Variants in COL10A1 observed in about 807,000 individuals in gnomAD.
COL10A1 encodes collagen alpha-1(X) chain.
A neutral mutation model predicts 18.2 loss-of-function variants in COL10A1; 10 were observed. That is an observed-to-expected ratio of 0.55 (90% CI 0.34 to 0.93). The LOEUF (loss-of-function observed/expected upper bound fraction) is 0.93, where lower values mean the gene tolerates loss of function less well. COL10A1 is among the 40% of genes least tolerant of loss of function. The pLI is 0.02. For missense variants in COL10A1, 897 were observed against 853.5 expected (o/e 1.05, Z -0.64); for synonymous variants, 330 against 316.6 (o/e 1.04, Z -0.45).
At chr6:116,157,547 G>A (rs1780226905) in intron 1 of COL10A1, among the ~76,000 whole-genome samples, 1 of 152,172 alleles carries the variant, frequency 6.6e-6, no homozygotes, top group African/African-American at 2.4e-5. Flanking sequence ...AGAGATTTGA[G>A]TCCAATGGGG....
chr6:116,134,904 A>G (rs1388385124), intron 1 of COL10A1, among the ~76,000 whole-genome samples: 1 of 152,192 alleles, frequency 6.6e-6, no homozygotes, highest in Non-Finnish European at 1.5e-5. Context: ...ATGGAAAGAA[A>G]AAGGAGAAGA....
chr6:116,137,728 A>G (rs1779647350), intron 1 of COL10A1, among the ~76,000 whole-genome samples: 1 of 152,198 alleles, frequency 6.6e-6, no homozygotes, highest in Non-Finnish European at 1.5e-5. Context: ...CATGTGTGCA[A>G]TACGTACCTG....
intron 1 of COL10A1, among the ~76,000 whole-genome samples, chr6:116,158,069 T>C (rs959118328): frequency 5.3e-5 from 8 of 152,228 alleles, no homozygotes; most frequent in Admixed American, 4.6e-4. Context: ...GCTTCAGCTC[T>C]CAAAAAGTCA....
the COL10A1 span, among the ~76,000 whole-genome samples, chr6:116,178,523 C>G: frequency 6.6e-6 from 1 of 152,180 alleles, no homozygotes; most frequent in Non-Finnish European, 1.5e-5. Context: ...TAACCGACTT[C>G]CAGTCATTTG....
At chr6:116,204,210 A>G in the COL10A1 span, among the ~76,000 whole-genome samples, 1 of 151,918 alleles carries the variant, frequency 6.6e-6, no homozygotes. Flanking sequence ...GTGCTCTCAG[A>G]GTGTGTTTGT....
chr6:116,164,699 T>G, the COL10A1 span, among the ~76,000 whole-genome samples: 1 of 152,230 alleles, frequency 6.6e-6, no homozygotes. Flanking sequence ...GCTTTTGTGG[T>G]AGCAAGTATC....
the COL10A1 span, among the ~76,000 whole-genome samples, chr6:116,202,368 G>A: frequency 3.3e-5 from 5 of 151,952 alleles, no homozygotes; most frequent in Non-Finnish European, 5.9e-5. Context: ...AAAGCTGTAA[G>A]TTCTTAAACT....
In COL10A1 at chr6:116,120,870, C is replaced by G. The variant is rs138141648; in HGVS notation, c.1246G>C (p.Gly416Arg). 1 of 1,613,998 alleles carries G rather than the reference C, an allele frequency of 6.2e-7. No individual in the cohort carries two copies. The highest frequency in any genetic ancestry group is 8.5e-7 in the Non-Finnish European group (1 of 1,179,928). Reference sequence around the variant, plus strand: ...ACAGGGCCTGGGAGACCAGGAGGTCCTCCAACTCCAGGATCACCTTTTGGA... The same window carrying G: ...ACAGGGCCTGGGAGACCAGGAGGTCGTCCAACTCCAGGATCACCTTTTGGA... ...PGPKGDPGVG[G>R]PPGLPGPVGP... Residue 416 changes from glycine to arginine, a missense_variant, in exon 3 of 3, where the codon GGA (glycine) becomes CGA (arginine). Coordinates refer to ENST00000651968, the MANE Select transcript of COL10A1 (RefSeq NM_000493.4).
chr6:116,149,860 T>C (rs966225634), intron 1 of COL10A1, among the ~76,000 whole-genome samples: 1 of 152,236 alleles, frequency 6.6e-6, no homozygotes, highest in Non-Finnish European at 1.5e-5. Flanking sequence ...ATAAGGAATT[T>C]GATTTGCACA....
the COL10A1 span, among the ~76,000 whole-genome samples, chr6:116,172,317 C>CTTTTTTTTTT: frequency 1.9e-5 from 2 of 108,026 alleles, no homozygotes. Context: ...CCCTTAGTAA[C>CTTTTTTTTTT]TTTTTTTTTT....
At chr6:116,151,218 A>G (rs943342565) in intron 1 of COL10A1, among the ~76,000 whole-genome samples, 3 of 152,178 alleles carry the variant, frequency 2.0e-5, no homozygotes, top group Admixed American at 6.5e-5. Flanking sequence ...ATAAAATCCC[A>G]TCTTCCAAAC....
At chr6:116,152,915 A>G (rs1451236764) in intron 1 of COL10A1, among the ~76,000 whole-genome samples, 1 of 152,068 alleles carries the variant, frequency 6.6e-6, no homozygotes, top group Non-Finnish European at 1.5e-5. Flanking sequence ...GGAAAAGTAA[A>G]TTTAAATAAC....
At chr6:116,176,289 G>A in the COL10A1 span, among the ~76,000 whole-genome samples, 38 of 152,232 alleles carry the variant, frequency 2.5e-4, no homozygotes, top group Admixed American at 2.3e-3. Flanking sequence ...CCACAGAGAG[G>A]GTATAGCACC....
rs768947904 is a variant in COL10A1, at chr6:116,120,111, G to A, written c.2005C>T (p.His669Tyr). 7 of 1,613,978 alleles carry A rather than the reference G, an allele frequency of 4.3e-6. No homozygotes were observed. In the South Asian group the frequency reaches 7.7e-5, roughly 18 times the overall value. Reference protein sequence around the residue: ...SNGLYSSEYVHSSFSGFLVAP... With the variant: ...SNGLYSSEYVYSSFSGFLVAP... ...ACTAGGAATCCTGAGAAAGAGGAGTGGACATACTCAGAGGAGTATAGGCCA... is the reference window on the plus strand; with the variant it reads ...ACTAGGAATCCTGAGAAAGAGGAGTAGACATACTCAGAGGAGTATAGGCCA... Residue 669 changes from histidine (H) to tyrosine (Y), a missense_variant, in exon 3 of 3, where the codon CAC becomes TAC. By Grantham distance (83) the His-to-Tyr change is moderately conservative (BLOSUM62 2). Transcript: ENST00000651968.
chr6:116,127,849 G>A (rs933187921), upstream of COL10A1, among the ~76,000 whole-genome samples: 4 of 152,140 alleles, frequency 2.6e-5, no homozygotes, highest in Admixed American at 2.0e-4. Flanking sequence ...AATACATAGT[G>A]CTATGCCCCT....
the COL10A1 span, among the ~76,000 whole-genome samples, chr6:116,177,406 C>T: frequency 6.6e-6 from 1 of 152,154 alleles, no homozygotes; most frequent in Non-Finnish European, 1.5e-5. Context: ...AAACTCACCA[C>T]TCTAAATATT....
chr6:116,128,580 G>A (rs996428999), upstream of COL10A1, among the ~76,000 whole-genome samples: 2 of 152,164 alleles, frequency 1.3e-5, no homozygotes, highest in East Asian at 1.9e-4. Context: ...TCTGTGGATC[G>A]TTAATTAATT....
the COL10A1 span, among the ~76,000 whole-genome samples, chr6:116,212,591 C>G: frequency 3.9e-5 from 6 of 152,134 alleles, no homozygotes; most frequent in Non-Finnish European, 8.8e-5. Context: ...AAACAGTGCA[C>G]TCTTGTGATA....
chr6:116,172,946 A>G, the COL10A1 span, among the ~76,000 whole-genome samples: 10 of 152,164 alleles, frequency 6.6e-5, no homozygotes, highest in African/African-American at 2.4e-4. Flanking sequence ...TGGATAACCA[A>G]TTAGGATAAA....
Sources: allele counts gnomAD v4.1 joint callset (sites outside exome capture counted in the v4.1 genomes callset), GRCh38; gene constraint gnomAD v4.1.1; transcripts MANE v1.5; gene names NCBI Gene and HGNC (gene_info 2026-07-23, HGNC 2026-07-21).